The following NTRK2 variants were observed in gnomAD, a reference collection of about 807,000 sequenced individuals.
NTRK2 encodes the protein BDNF/NT-3 growth factors receptor.
Under a neutral mutation model 94.5 loss-of-function variants are expected in NTRK2, and 13 were observed. The observed-to-expected ratio is 0.14, with a 90% CI of 0.09 to 0.22. The LOEUF (loss-of-function observed/expected upper bound fraction) is 0.22. Ranked by LOEUF, NTRK2 falls within the 10% of genes least tolerant of loss-of-function variation. The pLI is 1.00. For synonymous variants in NTRK2, 372 were observed against 407.4 expected (o/e 0.91, Z 1.05); for missense variants, 639 against 1,071.2 (o/e 0.60, Z 5.63).
Position 85,023,330 on chromosome 9 carries a change from A to G in NTRK2, c.*1893A>G, listed in dbSNP as rs1039552018. The G allele has an allele frequency of 6.0e-5, 14 of 232,418 alleles. No homozygotes were observed. The highest frequency in any genetic ancestry group is 3.1e-4 in the African/African-American group (14 of 45,296). The allele number at this position is 232,418 out of a possible 1,614,324, so 14.4% of individuals were successfully genotyped here. A position where few individuals can be genotyped will look rare whatever the true frequency, so the allele number is the denominator to read the frequency against. ...CATTCATCTTAGGTCATGTTATTTC[A>G]TATTTGTTTCTGAAGGTGCGATAGC... On this transcript the variant is annotated 3_prime_UTR_variant, in exon 19 of 19. Coordinates refer to ENST00000277120, the MANE Select transcript of NTRK2 (RefSeq NM_006180.6).
chr9:84,821,805 GGGAGAGAAGT>G (rs2072855649), intron 12 of NTRK2, among the ~76,000 whole-genome samples: 1 of 115,648 alleles, frequency 8.6e-6, no homozygotes, highest in African/African-American at 3.2e-5. Flanking sequence ...TTAGCAGAGA[GGGAGAGAAGT>G]AGAGAGAGAG....
chr9:84,684,205 C>T (rs183119935), intron 2 of NTRK2, among the ~76,000 whole-genome samples: 1 of 152,114 alleles, frequency 6.6e-6, no homozygotes, highest in Non-Finnish European at 1.5e-5. Context: ...TTAAGTAGAT[C>T]CCATTTGTCA....
intron 12 of NTRK2, among the ~76,000 whole-genome samples, chr9:84,779,638 T>A (rs1467873544): frequency 6.6e-6 from 1 of 152,192 alleles, no homozygotes; most frequent in African/African-American, 2.4e-5. Context: ...CTGCACCTTT[T>A]TTTGTTTTTT....
chr9:84,709,047 C>A (rs944371497), intron 5 of NTRK2, among the ~76,000 whole-genome samples: 1 of 152,154 alleles, frequency 6.6e-6, no homozygotes, highest in African/African-American at 2.4e-5. Context: ...CATATTTAAT[C>A]AATTAATTCA....
At chr9:84,995,410 G>A (rs1829630094) in intron 17 of NTRK2, among the ~76,000 whole-genome samples, 1 of 152,086 alleles carries the variant, frequency 6.6e-6, no homozygotes, top group African/African-American at 2.4e-5. Flanking sequence ...TTGGCATGGA[G>A]TGGAATGCAA....
At chr9:84,705,414 A>AT (rs1379470673) in intron 4 of NTRK2, among the ~76,000 whole-genome samples, 6 of 152,014 alleles carry the variant, frequency 3.9e-5, no homozygotes, top group Non-Finnish European at 8.8e-5. Flanking sequence ...AGGATTGTTG[A>AT]TTTTTTTCCC....
intron 2 of NTRK2, among the ~76,000 whole-genome samples, chr9:84,676,887 C>G (rs1012454750): frequency 6.6e-6 from 1 of 152,074 alleles, no homozygotes; most frequent in African/African-American, 2.4e-5. Context: ...AGTGCATGAG[C>G]TACTGATCTG....
chr9:84,895,495 G>C (rs1219438907), intron 14 of NTRK2, among the ~76,000 whole-genome samples: 1 of 152,202 alleles, frequency 6.6e-6, no homozygotes, highest in African/African-American at 2.4e-5. Flanking sequence ...CCATGACCAG[G>C]CACCCATAAC....
At chr9:84,771,183 T>C (rs977042442) in intron 12 of NTRK2, among the ~76,000 whole-genome samples, 7 of 152,300 alleles carry the variant, frequency 4.6e-5, no homozygotes, top group South Asian at 4.1e-4. Context: ...AACACAAAAT[T>C]ATTCAGCAGG....
chr9:84,761,421 G>A (rs1174586791), intron 12 of NTRK2, among the ~76,000 whole-genome samples: 2 of 152,136 alleles, frequency 1.3e-5, no homozygotes, highest in African/African-American at 4.8e-5. Context: ...ACCCAACTGA[G>A]CCTTTCCTGC....
intron 12 of NTRK2, among the ~76,000 whole-genome samples, chr9:84,834,045 G>C (rs533439297): frequency 3.3e-5 from 5 of 152,320 alleles, no homozygotes; most frequent in Admixed American, 3.3e-4. Context: ...CACTGTGTCT[G>C]TGGTGTTATA....
At chr9:85,007,121 C>T (rs1831060124) in intron 17 of NTRK2, among the ~76,000 whole-genome samples, 1 of 152,202 alleles carries the variant, frequency 6.6e-6, no homozygotes, top group African/African-American at 2.4e-5. Flanking sequence ...AAACATGTAA[C>T]CTCAGCTTAC....
chr9:84,944,464 A>C (rs752093084), intron 15 of NTRK2, among the ~76,000 whole-genome samples: 5 of 152,090 alleles, frequency 3.3e-5, no homozygotes, highest in Non-Finnish European at 5.9e-5. Flanking sequence ...ACATAGCTAA[A>C]ATTTGAGCAG....
At chr9:84,882,719 T>TGTGTGTGTGTGCGCGCGCGCGC (rs761042296) in intron 14 of NTRK2, among the ~76,000 whole-genome samples, 34 of 145,816 alleles carry the variant, frequency 2.3e-4, no homozygotes, top group African/African-American at 8.4e-4. Context: ...TGTGTGTGTG[T>TGTGTGTGTGTGCGCGCGCGCGC]GCGCGCGCGC....
chr9:84,979,641 A>G (rs1827336104), intron 17 of NTRK2, among the ~76,000 whole-genome samples: 2 of 152,254 alleles, frequency 1.3e-5, no homozygotes, highest in South Asian at 4.1e-4. Flanking sequence ...AATGACTCCA[A>G]TTTTGAAAGA....
At chr9:84,869,780 A>C (rs1276940707) in intron 14 of NTRK2, among the ~76,000 whole-genome samples, 1 of 152,094 alleles carries the variant, frequency 6.6e-6, no homozygotes, top group Non-Finnish European at 1.5e-5. Flanking sequence ...CTGAAATATT[A>C]ATTTCTAGCA....
intron 14 of NTRK2, among the ~76,000 whole-genome samples, chr9:84,926,156 T>C (rs2077778454): frequency 1.1e-5 from 1 of 90,074 alleles, no homozygotes; most frequent in Non-Finnish European, 2.4e-5. Context: ...CTTCCTTCCT[T>C]CCTTCCTTCC....
chr9:84,752,489 GC>G (rs1373623883), intron 12 of NTRK2, among the ~76,000 whole-genome samples: 3 of 152,214 alleles, frequency 2.0e-5, no homozygotes, highest in African/African-American at 2.4e-5. Flanking sequence ...TCAGTGGTAT[GC>G]TTTTGGTGTT....
At chr9:84,731,994 A>G (rs2062925220) in intron 9 of NTRK2, among the ~76,000 whole-genome samples, 1 of 152,194 alleles carries the variant, frequency 6.6e-6, no homozygotes, top group Admixed American at 6.5e-5. Context: ...ACTGAGAAAG[A>G]GAAAAGACCT....
Sources: gnomAD v4.1 joint callset for allele counts (sites outside exome capture counted in the v4.1 genomes callset) on GRCh38, gnomAD v4.1.1 for gene constraint, MANE v1.5 for transcripts, NCBI Gene and HGNC (gene_info 2026-07-23, HGNC 2026-07-21) for gene names.